Variants in CDH4 observed in about 807,000 individuals in gnomAD.
The protein encoded by CDH4 is cadherin 4.
A neutral mutation model predicts 86.0 loss-of-function variants in CDH4; 33 were observed. That is an observed-to-expected ratio of 0.38 (90% CI 0.29 to 0.51). The LOEUF is 0.51. Among genes scored for constraint, CDH4 ranks in the 20% least tolerant of loss-of-function variants. The pLI is 0.86. For missense variants in CDH4, 1,114 were observed against 1,307.4 expected, an observed-to-expected ratio of 0.85 and a Z score of 2.28; for synonymous variants, 555 against 549.4, an observed-to-expected ratio of 1.01 and a Z score of -0.14.
In CDH4 at chr20:61,789,639, A is replaced by T. The variant is rs560928840; in HGVS notation, c.576+16457A>T. Reference sequence around the variant, plus strand: ...TGTTTTCAGCAGAAAATCGTTCCTCATGTCGCTGCGTGCATGAGCCTGCCT... The same window carrying T: ...TGTTTTCAGCAGAAAATCGTTCCTCTTGTCGCTGCGTGCATGAGCCTGCCT... On this transcript the variant is annotated intron_variant, in intron 4 of 15. Coordinates refer to ENST00000614565, the MANE Select transcript of CDH4 (RefSeq NM_001794.5). Among the ~76,000 whole-genome samples the T allele has an allele frequency of 9.8e-4, 149 of 152,330 alleles. 5 individuals carry two copies. In the South Asian group the frequency reaches 0.029, roughly 30 times the overall value.
intron 4 of CDH4, among the ~76,000 whole-genome samples, chr20:61,832,063 C>T (rs1981645923): frequency 6.6e-6 from 1 of 152,260 alleles, no homozygotes; most frequent in African/African-American, 2.4e-5. Flanking sequence ...CCAACCCAGG[C>T]CTGGTAGATG....
intron 2 of CDH4, among the ~76,000 whole-genome samples, chr20:61,515,872 C>A (rs1397886976): frequency 6.6e-6 from 1 of 152,154 alleles, no homozygotes; most frequent in Admixed American, 6.5e-5. Flanking sequence ...CTCATTTGCT[C>A]GCTCGCTCTC....
At chr20:61,479,899 C>A (rs1329589955) in intron 2 of CDH4, among the ~76,000 whole-genome samples, 1 of 152,170 alleles carries the variant, frequency 6.6e-6, no homozygotes, top group African/African-American at 2.4e-5. Flanking sequence ...ATTATGTTTT[C>A]TCCGGCTGTT....
At chr20:61,686,953 A>G (rs1448420601) in intron 2 of CDH4, among the ~76,000 whole-genome samples, 1 of 66,992 alleles carries the variant, frequency 1.5e-5, no homozygotes, top group East Asian at 4.2e-4. Context: ...CCCCCGACCC[A>G]GCAACTCTGC....
At chr20:61,835,550 G>T (rs1981831927) in intron 4 of CDH4, among the ~76,000 whole-genome samples, 1 of 151,754 alleles carries the variant, frequency 6.6e-6, no homozygotes, top group African/African-American at 2.4e-5. Context: ...ACGGAGTGGG[G>T]CTGGGAGGTG....
chr20:61,797,212 G>T (rs575811364), intron 4 of CDH4, among the ~76,000 whole-genome samples: 3 of 152,150 alleles, frequency 2.0e-5, no homozygotes, highest in Non-Finnish European at 4.4e-5. Context: ...GGTGGGGAAG[G>T]GTTCACACCA....
intron 2 of CDH4, among the ~76,000 whole-genome samples, chr20:61,617,979 C>T (rs1203769665): frequency 6.6e-6 from 1 of 152,176 alleles, no homozygotes; most frequent in Non-Finnish European, 1.5e-5. Flanking sequence ...TCCCCTTTTG[C>T]TTGGCTCTCA....
rs978917901 is a variant in CDH4 at position 61,684,683 on chromosome 20, T to A, written c.170-58880T>A. Among the ~76,000 whole-genome samples, 2 of 152,022 alleles carry A rather than the reference T, an allele frequency of 1.3e-5. No homozygotes were observed. The highest frequency in any genetic ancestry group is 6.6e-5 in the Admixed American group (1 of 15,266). The stretch of plus-strand genomic sequence containing the variant: ...TTTTATCTCAAAGTCTTACAAACCA[T>A]CTTAGCGTTTTTGTGCAAACAGCTC... On this transcript the variant is annotated intron_variant, in intron 2 of 15. Transcript: ENST00000614565. This position sits in a 1 kb window ranked among gnomAD's most constrained non-coding sequence, Gnocchi z 4.5.
At chr20:61,503,195 A>G (rs1358552893) in intron 2 of CDH4, among the ~76,000 whole-genome samples, 1 of 152,192 alleles carries the variant, frequency 6.6e-6, no homozygotes, top group Non-Finnish European at 1.5e-5. Flanking sequence ...GAAACGGGAT[A>G]TACGTGATCA....
chr20:61,559,432 G>A (rs763130286), intron 2 of CDH4, among the ~76,000 whole-genome samples: 3 of 152,066 alleles, frequency 2.0e-5, no homozygotes, highest in Non-Finnish European at 4.4e-5. Flanking sequence ...GAGACGGCGC[G>A]CTGTCGGGAG....
chr20:61,705,357 A>G (rs1477052592), intron 2 of CDH4, among the ~76,000 whole-genome samples: 1 of 151,674 alleles, frequency 6.6e-6, no homozygotes, highest in African/African-American at 2.4e-5. Context: ...GGGGGACCAG[A>G]CCCCGGGGGT....
chr20:61,923,153 CG>C (rs1036736792), intron 9 of CDH4, among the ~76,000 whole-genome samples: 3 of 152,182 alleles, frequency 2.0e-5, no homozygotes, highest in African/African-American at 4.8e-5. Context: ...GGCCGCCCAG[CG>C]GGGGCTGCAG....
chr20:61,284,149 CAAA>C (rs5842344), intron 2 of CDH4, among the ~76,000 whole-genome samples: 7 of 136,526 alleles, frequency 5.1e-5, no homozygotes, highest in African/African-American at 1.7e-4. Flanking sequence ...ACTAAAAATA[CAAA>C]AAAAAAAAAA....
chr20:61,684,356 C>T lies in CDH4; in HGVS notation c.170-59207C>T, dbSNP rs754101495. On this transcript the variant is annotated intron_variant, in intron 2 of 15. Transcript: ENST00000614565. The surrounding 1 kb of genome is among the most constrained non-coding windows in gnomAD (Gnocchi z 4.5). ...GCCGCCCAGCTAAGGAAGCAGCAAG[C>T]GCGGAGCACGTGGCCTCAACCTCCG... Among the ~76,000 whole-genome samples the T allele has an allele frequency of 6.6e-6, 1 of 152,192 alleles. No individual in the cohort carries two copies. Among genetic ancestry groups the T allele is most frequent in the Non-Finnish European group, 1.5e-5 (1 of 68,038 alleles).
intron 2 of CDH4, among the ~76,000 whole-genome samples, chr20:61,406,177 C>T (rs1011423158): frequency 1.2e-4 from 19 of 152,156 alleles, no homozygotes; most frequent in Non-Finnish European, 2.1e-4. Context: ...AGGTAATGCC[C>T]GTCTGGTACA....
chr20:61,826,985 GTGTGTGTGTGTGTGTGTGTGTGTGTA>G (rs1981352480), intron 4 of CDH4, among the ~76,000 whole-genome samples: 1 of 150,624 alleles, frequency 6.6e-6, no homozygotes, highest in Admixed American at 6.6e-5. Flanking sequence ...GTGTGTGTGT[GTGTGTGTGTGTGTGTGTGTGTGTGTA>G]TGTGTTTCCT....
At chr20:61,635,249 C>T (rs1165614218) in intron 2 of CDH4, among the ~76,000 whole-genome samples, 1 of 152,216 alleles carries the variant, frequency 6.6e-6, no homozygotes, top group African/African-American at 2.4e-5. Flanking sequence ...GTTCCACATC[C>T]CCACCAGCGA....
chr20:61,797,092 C>A lies in CDH4; in HGVS notation c.576+23910C>A, dbSNP rs6089507. 9.2e-3 allele frequency among the ~76,000 whole-genome samples: 1,386 copies of A among 150,310 alleles called. 12 individuals carry two copies. The highest frequency in any genetic ancestry group is 0.015 in the Non-Finnish European group (987 of 67,242). ...GGCTGGGACAGGAAGAGCCCCCCCC[C>A]CCCCAACACTGGCCAGCTCCTGGTG... On this transcript the variant is annotated intron_variant, in intron 4 of 15. Transcript: ENST00000614565.
At chr20:61,278,180 C>T (rs2123156851) in intron 2 of CDH4, among the ~76,000 whole-genome samples, 1 of 152,336 alleles carries the variant, frequency 6.6e-6, no homozygotes, top group African/African-American at 2.4e-5. Flanking sequence ...CTCCTGCCAG[C>T]CATCCTTCCC....
Sources: gnomAD v4.1 joint callset for allele counts (sites outside exome capture counted in the v4.1 genomes callset) on GRCh38, gnomAD v4.1.1 for gene constraint, Gnocchi (gnomAD v3.1) non-coding constraint, MANE v1.5 for transcripts, NCBI Gene and HGNC (gene_info 2026-07-23, HGNC 2026-07-21) for gene names.